PALM2AKAP2: variants seen among roughly 807,000 people sequenced by gnomAD.
PALM2AKAP2 encodes the protein PALM2 and AKAP2 fusion.
In PALM2AKAP2, 37 loss-of-function variants were observed where a neutral mutation model predicts 71.5. The ratio of observed to expected loss-of-function variants is 0.52; its 90% CI spans 0.40 to 0.68. The LOEUF (loss-of-function observed/expected upper bound fraction) is 0.68, where lower values mean the gene tolerates loss of function less well. Ranked by LOEUF, PALM2AKAP2 falls within the 30% of genes least tolerant of loss-of-function variation. The pLI is 0.00. For synonymous variants in PALM2AKAP2, 468 were observed against 478.8 expected (o/e 0.98, Z 0.29); for missense variants, 1,224 against 1,191.8 (o/e 1.03, Z -0.40).
At chr9:110,070,562 T>C (rs1371621009) in intron 1 of PALM2AKAP2, among the ~76,000 whole-genome samples, 1 of 152,226 alleles carries the variant, frequency 6.6e-6, no homozygotes, top group African/African-American at 2.4e-5. Flanking sequence ...GAGAAAAGTA[T>C]AAGTTGGTCA....
intron 6 of PALM2AKAP2, among the ~76,000 whole-genome samples, chr9:109,977,583 A>G (rs1012632288): frequency 6.6e-6 from 1 of 152,190 alleles, no homozygotes; most frequent in African/African-American, 2.4e-5. Flanking sequence ...CCAAAAAGTA[A>G]TTGGTTTCAT....
chr9:110,061,015 C>T (rs1190071394), intron 1 of PALM2AKAP2, among the ~76,000 whole-genome samples: 1 of 152,176 alleles, frequency 6.6e-6, no homozygotes, highest in Non-Finnish European at 1.5e-5. Context: ...TCCTTAGAGA[C>T]CTTTGTCCCG....
At chr9:109,937,371 T>A (rs1256723863) in intron 6 of PALM2AKAP2, among the ~76,000 whole-genome samples, 1 of 152,142 alleles carries the variant, frequency 6.6e-6, no homozygotes, top group African/African-American at 2.4e-5. Flanking sequence ...CGTTTCCCTA[T>A]TGATGAAAGA....
At chr9:109,855,440 A>G (rs1829137646) in intron 1 of PALM2AKAP2, among the ~76,000 whole-genome samples, 1 of 152,236 alleles carries the variant, frequency 6.6e-6, no homozygotes, top group Non-Finnish European at 1.5e-5. Flanking sequence ...ATCAATAAAT[A>G]CTGATTCAGG....
chr9:109,750,747 A>G (rs1051381920), intron 1 of PALM2AKAP2, among the ~76,000 whole-genome samples: 1 of 152,146 alleles, frequency 6.6e-6, no homozygotes, highest in Non-Finnish European at 1.5e-5. Context: ...GATCTAGCCA[A>G]TTGTTACCAT....
At chr9:110,109,399 AGAGGTCATGTTTCG>A (rs1425060822) in intron 1 of PALM2AKAP2, among the ~76,000 whole-genome samples, 3 of 151,130 alleles carry the variant, frequency 2.0e-5, no homozygotes, top group Admixed American at 1.3e-4. Context: ...TCTGAGGTTC[AGAGGTCATGTTTCG>A]GAGGTCATGT....
At chr9:110,016,761 G>A (rs1284032103) in intron 7 of PALM2AKAP2, among the ~76,000 whole-genome samples, 1 of 152,156 alleles carries the variant, frequency 6.6e-6, no homozygotes, top group Non-Finnish European at 1.5e-5. Context: ...CAAAGGATGG[G>A]GGTGGGAGGG....
chr9:109,708,145 A>G (rs1262884369), intron 1 of PALM2AKAP2, among the ~76,000 whole-genome samples: 1 of 152,152 alleles, frequency 6.6e-6, no homozygotes, highest in African/African-American at 2.4e-5. Context: ...ATTCCTTTGT[A>G]CAACAGCTGA....
At chr9:109,669,349 C>T (rs1423697524) in intron 1 of PALM2AKAP2, among the ~76,000 whole-genome samples, 2 of 151,768 alleles carry the variant, frequency 1.3e-5, no homozygotes, top group African/African-American at 4.8e-5. Flanking sequence ...ATTCCCTTTG[C>T]TAATATTCTG....
chr9:110,024,085 T>C (rs1192989469), intron 7 of PALM2AKAP2, among the ~76,000 whole-genome samples: 2 of 152,232 alleles, frequency 1.3e-5, no homozygotes, highest in Admixed American at 6.5e-5. Flanking sequence ...TAAATTGTAG[T>C]TCTTTTTTTA....
intron 1 of PALM2AKAP2, among the ~76,000 whole-genome samples, chr9:109,858,684 T>G (rs1829233100): frequency 6.6e-6 from 1 of 152,170 alleles, no homozygotes; most frequent in South Asian, 2.1e-4. Context: ...TTGGGACTTT[T>G]TCAGAGTCCT....
intron 2 of PALM2AKAP2, among the ~76,000 whole-genome samples, chr9:110,146,038 A>G (rs1329323101): frequency 6.6e-6 from 1 of 151,280 alleles, no homozygotes; most frequent in Non-Finnish European, 1.5e-5. Context: ...AGCTGGGACT[A>G]CAGGTGCCCA....
chr9:109,904,504 C>T (rs921707935), intron 3 of PALM2AKAP2, among the ~76,000 whole-genome samples: 3 of 152,212 alleles, frequency 2.0e-5, no homozygotes, highest in African/African-American at 7.2e-5. Context: ...ATTGCCTCTG[C>T]ATGAGACGTC....
intron 6 of PALM2AKAP2, among the ~76,000 whole-genome samples, chr9:109,959,052 C>A (rs1216376143): frequency 6.6e-6 from 1 of 152,196 alleles, no homozygotes; most frequent in African/African-American, 2.4e-5. Context: ...CAAACCCCCC[C>A]ACCTTGAGGG....
rs66848294 is a variant in PALM2AKAP2, at chr9:110,091,459, C to CTTTTTTTTTTTTTTTTTTTTT, written c.156+42605_156+42625dup. Reference sequence around the variant, plus strand: ...GGCTTTTTAATCTTTGAGATTTATTCTTTTTTTTTTTTTTTTTTTTTGAGA... The same window carrying CTTTTTTTTTTTTTTTTTTTTT: ...GGCTTTTTAATCTTTGAGATTTATTCTTTTTTTTTTTTTTTTTTTTTTTTTTTTTTTTTTTTTTTTTTGAGA... On this transcript the variant is annotated intron_variant, in intron 1 of 3. Coordinates refer to ENST00000374525, the Ensembl canonical transcript of PALM2AKAP2. Among the ~76,000 whole-genome samples the CTTTTTTTTTTTTTTTTTTTTT allele has an allele frequency of 3.6e-5, 3 of 83,656 alleles. 1 individual carries two copies. The highest frequency in any genetic ancestry group is 1.0e-4 in the African/African-American group (2 of 19,298). 54.9% of individuals were successfully genotyped at this position (83,656 alleles called of 152,430 possible).
chr9:109,656,031 G>A (rs1453231040), intron 1 of PALM2AKAP2, among the ~76,000 whole-genome samples: 1 of 152,170 alleles, frequency 6.6e-6, no homozygotes, highest in East Asian at 1.9e-4. Flanking sequence ...CAGCATCCCA[G>A]CCCTTGTATA....
At chr9:110,062,771 A>C (rs778484054) in intron 1 of PALM2AKAP2, among the ~76,000 whole-genome samples, 1 of 152,228 alleles carries the variant, frequency 6.6e-6, no homozygotes, top group African/African-American at 2.4e-5. Context: ...ATAGTTGTAA[A>C]AGGAAGTTAA....
At chr9:109,942,932 G>C (rs1040740070) in intron 6 of PALM2AKAP2, 1 of 1,613,988 alleles carries the variant, frequency 6.2e-7, no homozygotes, top group Non-Finnish European at 8.5e-7. Flanking sequence ...TTAGGAGGAG[G>C]GCACGTGTCT....
intron 1 of PALM2AKAP2, among the ~76,000 whole-genome samples, chr9:109,716,428 G>A (rs1828320584): frequency 6.6e-6 from 1 of 152,154 alleles, no homozygotes; most frequent in Admixed American, 6.5e-5. Flanking sequence ...ATAAAATACA[G>A]GATTCCCAGT....
Sources: gnomAD v4.1 joint callset for allele counts (sites outside exome capture counted in the v4.1 genomes callset) on GRCh38, gnomAD v4.1.1 for gene constraint, MANE v1.5 for transcripts, NCBI Gene and HGNC (gene_info 2026-07-23, HGNC 2026-07-21) for gene names.